CACNA1D: variants seen among roughly 807,000 people sequenced by gnomAD.
CACNA1D encodes calcium voltage-gated channel subunit alpha1 D.
CACNA1D carries 55 observed loss-of-function variants against 257.1 expected under a neutral mutation model. The ratio of observed to expected loss-of-function variants is 0.21; its 90% CI spans 0.17 to 0.27. The LOEUF (loss-of-function observed/expected upper bound fraction) is 0.27. Among genes scored for constraint, CACNA1D ranks in the 10% least tolerant of loss-of-function variants. The pLI is 1.00. For missense variants in CACNA1D, 1,876 were observed against 2,784.0 expected (o/e 0.67, Z 7.34); for synonymous variants, 980 against 1,014.9 (o/e 0.97, Z 0.65).
Position 53,665,710 on chromosome 3 carries a change from C to T in CACNA1D, c.817C>T (p.His273Tyr), listed in dbSNP as rs2094255020. The part of the protein sequence containing the change: ...SIIKAMVPLL[H>Y]IALLVLFVII... ...TATAAAAGCCATGGTTCCCCTCCTT[C>T]ACATAGCCCTTTTGGTATTATTTGT... The change falls in exon 6 of 48, where the codon CAC becomes TAC. Residue 273 changes from histidine (H) to tyrosine (Y), a missense_variant. His to Tyr is a moderately conservative substitution (Grantham distance 83). Coordinates refer to ENST00000350061, the MANE Select transcript of CACNA1D (RefSeq NM_001128840.3). The T allele has an allele frequency of 6.2e-7, 1 of 1,608,742 alleles. No homozygotes were observed. Among genetic ancestry groups the T allele is most frequent in the Non-Finnish European group, 8.5e-7 (1 of 1,175,166 alleles).
chr3:53,762,514 C>G (rs1366911036), intron 30 of CACNA1D: 1 of 455,748 alleles, frequency 2.2e-6, no homozygotes, highest in South Asian at 1.6e-5. Context: ...TGTGGTGCTT[C>G]CTCTCCTCTG....
intron 3 of CACNA1D, among the ~76,000 whole-genome samples, chr3:53,627,653 A>G (rs977229000): frequency 1.3e-5 from 2 of 151,376 alleles, no homozygotes; most frequent in African/African-American, 2.4e-5. Context: ...GGTTGATTAT[A>G]AAGGGCTGGC....
At chr3:53,665,932 C>A in intron 6 of CACNA1D, 120 bp downstream of exon 6, 2 of 746,698 alleles carry the variant, frequency 2.7e-6, no homozygotes, top group Non-Finnish European at 4.6e-6. Context: ...AATATACCAG[C>A]ACATTTACTG....
chr3:53,787,425 C>CTGTGTGTGTGTGTGTGTGTGTGTGTG (rs3217446), intron 40 of CACNA1D, among the ~76,000 whole-genome samples: 10 of 136,144 alleles, frequency 7.3e-5, no homozygotes, highest in African/African-American at 2.3e-4. Flanking sequence ...AGTATGTATT[C>CTGTGTGTGTGTGTGTGTGTGTGTGTG]TGTGTGTGTG....
Position 53,811,265 on chromosome 3 carries a change from C to G in CACNA1D, c.6345C>G (p.Ala2115=). Residue 2115 remains alanine (A), a synonymous_variant, in exon 48 of 48, where the codon GCC becomes GCG. Coordinates refer to ENST00000350061, the MANE Select transcript of CACNA1D (RefSeq NM_001128840.3). The surrounding 1 kb of genome is among the most constrained non-coding windows in gnomAD (Gnocchi z 4.2). ...TLLNGNVRPR[A]NGDVGPLSHR... The stretch of plus-strand genomic sequence containing the variant: ...TTAATGGGAACGTGCGTCCCCGAGC[C>G]AACGGGGATGTGGGCCCCCTCTCAC... 1 of 1,613,958 alleles carries G rather than the reference C, an allele frequency of 6.2e-7. No homozygotes were observed. The highest frequency in any genetic ancestry group is 1.3e-5 in the African/African-American group (1 of 75,040).
intron 3 of CACNA1D, among the ~76,000 whole-genome samples, chr3:53,631,765 G>A (rs2093824697): frequency 6.6e-6 from 1 of 152,192 alleles, no homozygotes; most frequent in Non-Finnish European, 1.5e-5. Context: ...ATGGATATTA[G>A]CAGGCATGAA....
In CACNA1D at chr3:53,497,329, A is replaced by G; in HGVS notation, c.245A>G (p.Gln82Arg). The G allele has an allele frequency of 6.2e-7, 1 of 1,614,176 alleles. No individual in the cohort carries two copies. Among genetic ancestry groups the G allele is most frequent in the Non-Finnish European group, 8.5e-7 (1 of 1,180,044 alleles). ...SAPPPVGSLS[Q>R]RKRQQYAKSK... ...CCCCCACCTGTAGGATCTCTCTCCC[A>G]AAGAAAACGTCAGCAATACGCCAAG... Residue 82 changes from glutamine (Q) to arginine (R), a missense_variant, in exon 2 of 48, where the codon CAA becomes CGA. By Grantham distance (43) the Gln-to-Arg change is conservative (BLOSUM62 1). Around this residue, in one of 10 missense-constraint regions of CACNA1D, gnomAD observed 143 missense variants for 168.7 expected, o/e 0.85. Transcript: ENST00000350061.
chr3:53,588,535 A>G (rs986513952), intron 3 of CACNA1D, among the ~76,000 whole-genome samples: 1 of 152,018 alleles, frequency 6.6e-6, no homozygotes, highest in African/African-American at 2.4e-5. Context: ...ATGGAAGGAA[A>G]TTGGATTTGT....
At chr3:53,665,450 G>A (rs1427872798) in intron 5 of CACNA1D, among the ~76,000 whole-genome samples, 1 of 152,112 alleles carries the variant, frequency 6.6e-6, no homozygotes, top group Non-Finnish European at 1.5e-5. Context: ...TTTTCCCTCT[G>A]TCTAGTGAGG....
chr3:53,653,250 CA>C (rs999069463), intron 4 of CACNA1D, among the ~76,000 whole-genome samples: 12 of 145,484 alleles, frequency 8.2e-5, no homozygotes, highest in East Asian at 2.0e-4. Context: ...GACTCCATTT[CA>C]AAAAAAAAAG....
chr3:53,795,052 G>A (rs566522457), intron 40 of CACNA1D, among the ~76,000 whole-genome samples: 1 of 152,306 alleles, frequency 6.6e-6, no homozygotes, highest in South Asian at 2.1e-4. Flanking sequence ...CCCACTCCCC[G>A]GAGGCATGGA....
chr3:53,553,037 T>C (rs1394413227), intron 3 of CACNA1D, among the ~76,000 whole-genome samples: 1 of 152,156 alleles, frequency 6.6e-6, no homozygotes, highest in Non-Finnish European at 1.5e-5. Flanking sequence ...AAATTACTCA[T>C]AGATAACAAA....
intron 3 of CACNA1D, among the ~76,000 whole-genome samples, chr3:53,544,737 G>A (rs1388120649): frequency 6.6e-6 from 1 of 152,218 alleles, no homozygotes; most frequent in Non-Finnish European, 1.5e-5. Flanking sequence ...GGTTGGCATG[G>A]CGAATCGGAT....
intron 15 of CACNA1D, 54 bp downstream of exon 15, chr3:53,727,053 T>C (rs1457494964): frequency 1.9e-5 from 30 of 1,607,088 alleles, no homozygotes; most frequent in Non-Finnish European, 2.5e-5. Flanking sequence ...TGGTTTTGTT[T>C]TTCTTCCTCT....
At position 53,749,514 on chromosome 3, in the gene CACNA1D, C is replaced by G; in HGVS notation, c.3516+45C>G. On this transcript the variant is annotated intron_variant, in intron 27 of 47. Coordinates refer to ENST00000350061, the MANE Select transcript of CACNA1D (RefSeq NM_001128840.3). ...TTGGCTTCTGTCCCTTGGTCAGGAGCGGAGTGCCTTCTTTATTGACTGATT... is the reference window on the plus strand; with the variant it reads ...TTGGCTTCTGTCCCTTGGTCAGGAGGGGAGTGCCTTCTTTATTGACTGATT... 3 of 1,346,970 alleles carry G rather than the reference C, an allele frequency of 2.2e-6. No individual in the cohort carries two copies. In the South Asian group the frequency reaches 3.5e-5, roughly 16 times the overall value. The allele number at this position is 1,346,970 out of a possible 1,614,324, so 83.4% of individuals were successfully genotyped here.
At chr3:53,557,947 T>C (rs573686200) in intron 3 of CACNA1D, among the ~76,000 whole-genome samples, 1 of 152,226 alleles carries the variant, frequency 6.6e-6, no homozygotes, top group Non-Finnish European at 1.5e-5. Context: ...TTGGGGAGAA[T>C]TGATATTTCA....
intron 5 of CACNA1D, among the ~76,000 whole-genome samples, chr3:53,660,785 G>A (rs1363556115): frequency 2.0e-5 from 3 of 151,740 alleles, no homozygotes; most frequent in Non-Finnish European, 2.9e-5. Flanking sequence ...TCTGGGGGAA[G>A]GGATGAATGC....
intron 17 of CACNA1D, among the ~76,000 whole-genome samples, chr3:53,731,375 A>G (rs1213535918): frequency 1.3e-5 from 2 of 152,234 alleles, no homozygotes; most frequent in Non-Finnish European, 2.9e-5. Context: ...TATGATAAAG[A>G]ATTGACTAGT....
At chr3:53,507,705 T>C (rs2107201568) in intron 3 of CACNA1D, among the ~76,000 whole-genome samples, 1 of 152,292 alleles carries the variant, frequency 6.6e-6, no homozygotes, top group African/African-American at 2.4e-5. Flanking sequence ...GCTCATTTGG[T>C]TTGTTTTTTT....
Sources: gnomAD v4.1 joint callset for allele counts (sites outside exome capture counted in the v4.1 genomes callset) on GRCh38, gnomAD v4.1.1 for gene constraint, gnomAD v4.1.1 regional missense constraint, Gnocchi (gnomAD v3.1) non-coding constraint, MANE v1.5 for transcripts, NCBI Gene and HGNC (gene_info 2026-07-23, HGNC 2026-07-21) for gene names.